The following AJAP1 variants were observed in gnomAD, a reference collection of about 807,000 sequenced individuals.
AJAP1 encodes the protein adherens junction-associated protein 1.
A neutral mutation model predicts 35.0 loss-of-function variants in AJAP1; 5 were observed. The observed-to-expected ratio is 0.14, with a 90% CI of 0.07 to 0.30. The LOEUF (loss-of-function observed/expected upper bound fraction) is 0.30, where lower values mean the gene tolerates loss of function less well. Among genes scored for constraint, AJAP1 ranks in the 10% least tolerant of loss-of-function variants. The pLI is 1.00. For missense variants in AJAP1, 586 were observed against 571.0 expected (o/e 1.03, Z -0.27); for synonymous variants, 284 against 249.3 (o/e 1.14, Z -1.31).
Position 4,656,148 on chromosome 1 carries a change from G to A in AJAP1, c.29+694G>A, listed in dbSNP as rs947886026. On this transcript the variant is annotated intron_variant, in intron 1 of 5. Coordinates refer to ENST00000378191, the MANE Select transcript of AJAP1 (RefSeq NM_018836.4). This position sits in a 1 kb window ranked among gnomAD's most constrained non-coding sequence, Gnocchi z 5.7. ...ACGCCCGCCGGCGCGCCCGGGGCTT[G>A]TCTGTGTCTGGGACTCCAGGGCCAG... Among the ~76,000 whole-genome samples, 1 of 152,272 alleles carries A rather than the reference G, an allele frequency of 6.6e-6. No homozygotes were observed. Among genetic ancestry groups the A allele is most frequent in the South Asian group, 2.1e-4 (1 of 4,822 alleles).
intron 1 of AJAP1, among the ~76,000 whole-genome samples, chr1:4,690,659 C>T (rs1639718766): frequency 6.6e-6 from 1 of 152,194 alleles, no homozygotes; most frequent in African/African-American, 2.4e-5. Flanking sequence ...CTCCACCAAT[C>T]CCGGAGACAG....
chr1:4,757,350 G>A (rs1192898869), intron 2 of AJAP1, among the ~76,000 whole-genome samples: 1 of 152,218 alleles, frequency 6.6e-6, no homozygotes, highest in Non-Finnish European at 1.5e-5. Flanking sequence ...CGCTGATCTG[G>A]GCTGGCTTCA....
At chr1:4,716,210 CT>C (rs1640385680) in intron 2 of AJAP1, among the ~76,000 whole-genome samples, 2 of 152,312 alleles carry the variant, frequency 1.3e-5, no homozygotes, top group African/African-American at 4.8e-5. Flanking sequence ...AAAGGGTCCC[CT>C]GTCAGGATTC....
intron 2 of AJAP1, among the ~76,000 whole-genome samples, chr1:4,747,048 G>T (rs1003190517): frequency 6.6e-6 from 1 of 152,222 alleles, no homozygotes; most frequent in Non-Finnish European, 1.5e-5. Flanking sequence ...GTGGGAGAAC[G>T]CCACTGTCCC....
rs200746697 is a variant in AJAP1 at position 4,772,470 on chromosome 1, G to T, written c.1108G>T (p.Asp370Tyr). The change falls in exon 4 of 6, where the codon GAT (aspartate) becomes TAT (tyrosine). Residue 370 changes from aspartate to tyrosine, a missense_variant. Physicochemically the swap from Asp to Tyr is radical, Grantham distance 160 (BLOSUM62 -3). Transcript: ENST00000378191. ...CVRASVPVYTDETLHSTTGEY... is the reference protein window; with the variant it reads ...CVRASVPVYTYETLHSTTGEY... ...CAGGGCATCTGTGCCCGTGTACACC[G>T]ATGAGACGCTGCACTCGACGACGGG... 1 of 1,614,222 alleles carries T rather than the reference G, an allele frequency of 6.2e-7. No individual in the cohort carries two copies. The highest frequency in any genetic ancestry group is 8.5e-7 in the Non-Finnish European group (1 of 1,180,048).
chr1:4,686,066 T>G (rs1570110111), intron 1 of AJAP1, among the ~76,000 whole-genome samples: 1 of 152,104 alleles, frequency 6.6e-6, no homozygotes, highest in Non-Finnish European at 1.5e-5. Flanking sequence ...TCCTCGGAGG[T>G]TTTGCCTGTG....
chr1:4,675,919 G>T (rs1057157696), intron 1 of AJAP1, among the ~76,000 whole-genome samples: 1 of 152,216 alleles, frequency 6.6e-6, no homozygotes, highest in African/African-American at 2.4e-5. Flanking sequence ...TGGAGGGTAC[G>T]GTGGAGTTGC....
chr1:4,705,260 G>C (rs1014879326), intron 1 of AJAP1, among the ~76,000 whole-genome samples: 1 of 151,780 alleles, frequency 6.6e-6, no homozygotes, highest in Admixed American at 6.6e-5. Flanking sequence ...AGACTTAAAC[G>C]TTAGACCTAA....
chr1:4,775,994 G>A lies in AJAP1; in HGVS notation c.*59+1436G>A, dbSNP rs114257671. On this transcript the variant is annotated intron_variant, in intron 5 of 5. Coordinates refer to ENST00000378191, the MANE Select transcript of AJAP1 (RefSeq NM_018836.4). ...GCCTCTGTAGGGACTGGGTCCTGAT[G>A]GTTGCCAGCATCTCTGTTATGATTT... Among the ~76,000 whole-genome samples, 962 of 152,322 alleles carry A rather than the reference G, an allele frequency of 6.3e-3. 5 individuals are homozygous for A. Among genetic ancestry groups the A allele is most frequent in the Admixed American group, 0.016 (252 of 15,302 alleles).
chr1:4,685,088 C>G (rs1234972514), intron 1 of AJAP1, among the ~76,000 whole-genome samples: 1 of 152,198 alleles, frequency 6.6e-6, no homozygotes, highest in South Asian at 2.1e-4. Context: ...TGGCCCCGAA[C>G]CCCCTCTGAT....
chr1:4,704,612 A>T, intron 1 of AJAP1, among the ~76,000 whole-genome samples: 1 of 152,090 alleles, frequency 6.6e-6, no homozygotes, highest in Non-Finnish European at 1.5e-5. Flanking sequence ...TGCCACAATA[A>T]ACATACGTGT....
chr1:4,743,084 G>A (rs1459183801), intron 2 of AJAP1, among the ~76,000 whole-genome samples: 1 of 152,158 alleles, frequency 6.6e-6, no homozygotes, highest in Non-Finnish European at 1.5e-5. Flanking sequence ...GGGGATCCTG[G>A]AACTTGTCCT....
At chr1:4,738,949 AG>A (rs925583582) in intron 2 of AJAP1, among the ~76,000 whole-genome samples, 2 of 151,532 alleles carry the variant, frequency 1.3e-5, no homozygotes, top group Non-Finnish European at 2.9e-5. Flanking sequence ...GAGGAGAAGG[AG>A]GTGGGAAGGG....
At chr1:4,715,082 A>G (rs969716805) in intron 2 of AJAP1, among the ~76,000 whole-genome samples, 4 of 152,116 alleles carry the variant, frequency 2.6e-5, no homozygotes, top group Admixed American at 6.5e-5. Context: ...CCCCAGATGG[A>G]AGGAGTGCTG....
At position 4,692,096 on chromosome 1, in the gene AJAP1, C is replaced by T. The variant is rs946287090; in HGVS notation, c.30-19804C>T. 2.1e-4 allele frequency among the ~76,000 whole-genome samples: 32 copies of T among 152,106 alleles called. No individual in the cohort carries two copies. Among genetic ancestry groups the T allele is most frequent in the African/African-American group, 6.0e-4 (25 of 41,424 alleles). On this transcript the variant is annotated intron_variant, in intron 1 of 5. Coordinates refer to ENST00000378191, the MANE Select transcript of AJAP1 (RefSeq NM_018836.4). The surrounding 1 kb of genome is among the most constrained non-coding windows in gnomAD (Gnocchi z 4.4). ...CTTCCGGGAATGGCAGGTGGCATGG[C>T]GCCCGGCCGGCCCTGCGTGGATCTA...
chr1:4,743,536 G>C (rs909922978), intron 2 of AJAP1, among the ~76,000 whole-genome samples: 1 of 152,144 alleles, frequency 6.6e-6, no homozygotes, highest in African/African-American at 2.4e-5. Context: ...ATGTGTCCGC[G>C]TTCATTCATT....
chr1:4,679,735 A>G (rs1055834405), intron 1 of AJAP1, among the ~76,000 whole-genome samples: 89 of 151,940 alleles, frequency 5.9e-4, no homozygotes, highest in African/African-American at 2.1e-3. Flanking sequence ...TCCCATCCAC[A>G]TGTGTCCTTG....
At chr1:4,674,084 T>G (rs1315886035) in intron 1 of AJAP1, among the ~76,000 whole-genome samples, 1 of 150,768 alleles carries the variant, frequency 6.6e-6, no homozygotes, top group African/African-American at 2.4e-5. Context: ...AAAGGATTGT[T>G]TCTTTCAAAT....
Position 4,774,708 on chromosome 1 carries a change from G to A in AJAP1, c.*59+150G>A, listed in dbSNP as rs2272877. The A allele has an allele frequency of 6.0e-4, 345 of 572,906 alleles. 6 individuals are homozygous for A. The East Asian group carries it at 0.01, about 17-fold the overall frequency. The allele number at this position is 572,906 out of a possible 1,614,324, so 35.5% of individuals were successfully genotyped here. Reference sequence around the variant, plus strand: ...TCACTTCTCTGAACATGAGCCGGCGGGGGGGGCTGGGCTTTTGACCTTGAT... The same window carrying A: ...TCACTTCTCTGAACATGAGCCGGCGAGGGGGGCTGGGCTTTTGACCTTGAT... On this transcript the variant is annotated intron_variant, in intron 5 of 5. Transcript: ENST00000378191.
Sources: allele counts gnomAD v4.1 joint callset (sites outside exome capture counted in the v4.1 genomes callset), GRCh38; gene constraint gnomAD v4.1.1; non-coding constraint Gnocchi (gnomAD v3.1); transcripts MANE v1.5; gene names NCBI Gene and HGNC (gene_info 2026-07-23, HGNC 2026-07-21).